Variants in TNR observed in about 807,000 individuals in gnomAD.
The protein encoded by TNR is tenascin-R.
A neutral mutation model predicts 150.4 loss-of-function variants in TNR; 45 were observed. The ratio of observed to expected loss-of-function variants is 0.30; its 90% CI spans 0.24 to 0.38. The LOEUF (loss-of-function observed/expected upper bound fraction) is 0.38. Ranked by LOEUF, TNR falls within the 10% of genes least tolerant of loss-of-function variation. The pLI is 1.00. For synonymous variants in TNR, 687 were observed against 678.4 expected, an observed-to-expected ratio of 1.01 and a Z score of -0.20; for missense variants, 1,544 against 1,759.1, an observed-to-expected ratio of 0.88 and a Z score of 2.19.
Position 175,315,794 on chromosome 1 carries a change from A to ATGCATG in TNR, c.*7557_*7562dup, listed in dbSNP as rs1333464700. ...TGCATGTGCACCTGTGTATGTGTGC[A>ATGCATG]TGCATGTGTGTGTGTGCATGTGTGT... is the stretch of plus-strand genomic sequence containing the variant. On this transcript the variant is annotated 3_prime_UTR_variant, in exon 23 of 23. Transcript: ENST00000367674. 9 of 142,712 alleles carry ATGCATG rather than the reference A, an allele frequency of 6.3e-5. No individual in the cohort carries two copies. The allele number at this position is 142,712 out of a possible 1,614,324, so 8.8% of individuals were successfully genotyped here. A position where few individuals can be genotyped will look rare whatever the true frequency, so the allele number is the denominator to read the frequency against.
At chr1:175,378,491 C>T (rs1036869604) in intron 9 of TNR, among the ~76,000 whole-genome samples, 1 of 152,248 alleles carries the variant, frequency 6.6e-6, no homozygotes, top group East Asian at 1.9e-4. Context: ...TGGAAACTGG[C>T]AAGATGAAGC....
chr1:175,719,173 A>C (rs1667233994), intron 1 of TNR, among the ~76,000 whole-genome samples: 1 of 152,158 alleles, frequency 6.6e-6, no homozygotes. Context: ...AAGGCCCAAA[A>C]AGTGAGGATA....
chr1:175,555,783 T>A lies in TNR; in HGVS notation c.-164-27414A>T, dbSNP rs1661134838. Among the ~76,000 whole-genome samples, 3 of 152,346 alleles carry A rather than the reference T, an allele frequency of 2.0e-5. No homozygotes were observed. The East Asian group carries it at 5.8e-4, about 29-fold the overall frequency. The stretch of plus-strand genomic sequence containing the variant: ...ACAAGAAGCGTAAAACCATGAAGAA[T>A]CTAAAGTAGCTGACCCAAGTTCAGC... On this transcript the variant is annotated intron_variant, in intron 1 of 22. Transcript: ENST00000367674.
rs533427894 is a variant in TNR, at chr1:175,365,292, G to A, written c.2318-13C>T. On this transcript the variant is annotated splice_polypyrimidine_tract_variant and intron_variant, in intron 11 of 22. Transcript: ENST00000367674. ...ATGGGACGGAAGCCTGCAAAGCAAAGGAGATGGATGGTCCTGAAACACGTG... is the reference window on the plus strand; with the variant it reads ...ATGGGACGGAAGCCTGCAAAGCAAAAGAGATGGATGGTCCTGAAACACGTG... The A allele has an allele frequency of 6.6e-5, 104 of 1,586,456 alleles. 1 individual carries two copies. The East Asian group carries it at 2.3e-3, about 35-fold the overall frequency.
intron 9 of TNR, among the ~76,000 whole-genome samples, chr1:175,374,224 C>T (rs1652261701): frequency 6.6e-6 from 1 of 152,200 alleles, no homozygotes; most frequent in Admixed American, 6.5e-5. Context: ...ATTTCTTCCC[C>T]TGCAGACAAG....
intron 1 of TNR, among the ~76,000 whole-genome samples, chr1:175,648,189 C>T (rs564199132): frequency 3.3e-5 from 5 of 152,220 alleles, no homozygotes; most frequent in East Asian, 1.9e-4. Context: ...CCGTCCCTAA[C>T]GAGACTGTGA....
At chr1:175,742,579 C>T (rs1571811152) in intron 1 of TNR, among the ~76,000 whole-genome samples, 1 of 152,274 alleles carries the variant, frequency 6.6e-6, no homozygotes, top group East Asian at 1.9e-4. Context: ...CCTCAACCCC[C>T]CAAAGCCGCC....
chr1:175,324,801 C>T (rs1173524232), intron 21 of TNR, among the ~76,000 whole-genome samples: 2 of 152,150 alleles, frequency 1.3e-5, no homozygotes, highest in Non-Finnish European at 2.9e-5. Flanking sequence ...CACCCCCAAC[C>T]CTCAGCTGTT....
chr1:175,655,908 C>T (rs1665157282), intron 1 of TNR, among the ~76,000 whole-genome samples: 1 of 152,076 alleles, frequency 6.6e-6, no homozygotes, highest in South Asian at 2.1e-4. Flanking sequence ...TAGGAGGATG[C>T]CTGTTCTAGG....
intron 1 of TNR, among the ~76,000 whole-genome samples, chr1:175,686,335 A>C (rs1231251133): frequency 6.6e-6 from 1 of 152,156 alleles, no homozygotes; most frequent in African/African-American, 2.4e-5. Context: ...TAGAAGACAA[A>C]CCACATTCAA....
chr1:175,638,391 G>T (rs1006487227), intron 1 of TNR, among the ~76,000 whole-genome samples: 1 of 152,114 alleles, frequency 6.6e-6, no homozygotes, highest in African/African-American at 2.4e-5. Flanking sequence ...GAAATGTCAG[G>T]CTCTCTCTCA....
intron 2 of TNR, among the ~76,000 whole-genome samples, chr1:175,527,775 T>C (rs183535714): frequency 2.6e-5 from 4 of 152,358 alleles, no homozygotes; most frequent in East Asian, 1.9e-4. Context: ...GGAAAGCTTT[T>C]AAATTAAAGG....
intron 5 of TNR, among the ~76,000 whole-genome samples, chr1:175,395,529 C>T (rs1411394661): frequency 6.6e-6 from 1 of 152,198 alleles, no homozygotes; most frequent in Non-Finnish European, 1.5e-5. Context: ...GTTCTCTTCT[C>T]TCTTCCCAGA....
At chr1:175,692,393 C>T (rs909071878) in intron 1 of TNR, among the ~76,000 whole-genome samples, 7 of 152,368 alleles carry the variant, frequency 4.6e-5, no homozygotes, top group South Asian at 2.1e-4. Flanking sequence ...TTGTCACATC[C>T]TTCCAAGATG....
chr1:175,572,423 T>C (rs1156832919), intron 1 of TNR, among the ~76,000 whole-genome samples: 2 of 152,178 alleles, frequency 1.3e-5, no homozygotes, highest in African/African-American at 4.8e-5. Context: ...GGTATTTTAG[T>C]AGAGAATGGG....
intron 8 of TNR, among the ~76,000 whole-genome samples, chr1:175,383,878 T>C (rs1652800735): frequency 6.6e-6 from 1 of 152,156 alleles, no homozygotes; most frequent in African/African-American, 2.4e-5. Flanking sequence ...GGGAGCATAT[T>C]TGAGGTGTAG....
At position 175,401,919 on chromosome 1, in the gene TNR, T is replaced by C. The variant is rs949388693; in HGVS notation, c.976+1221A>G. ...AAGACCAACCACTTAATCTGTACTGTTTAAAACATAAACAAATGTATGAGC... is the reference window on the plus strand; with the variant it reads ...AAGACCAACCACTTAATCTGTACTGCTTAAAACATAAACAAATGTATGAGC... On this transcript the variant is annotated intron_variant, in intron 4 of 22. Coordinates refer to ENST00000367674, the MANE Select transcript of TNR (RefSeq NM_003285.3). Among the ~76,000 whole-genome samples, 8 of 152,370 alleles carry C rather than the reference T, an allele frequency of 5.3e-5. No individual in the cohort carries two copies. In the East Asian group the frequency reaches 1.3e-3, roughly 26 times the overall value.
chr1:175,503,013 A>G (rs907180716), intron 2 of TNR, among the ~76,000 whole-genome samples: 1 of 152,186 alleles, frequency 6.6e-6, no homozygotes, highest in Non-Finnish European at 1.5e-5. Flanking sequence ...TGTGGTCAGC[A>G]TATGCTCATC....
At chr1:175,379,527 AC>A in intron 9 of TNR, 24 bp downstream of exon 9, 1 of 1,602,028 alleles carries the variant, frequency 6.2e-7, no homozygotes, top group Non-Finnish European at 8.5e-7. Context: ...AACCAGCATA[AC>A]CCCAAGAGAT....
Sources: allele counts gnomAD v4.1 joint callset (sites outside exome capture counted in the v4.1 genomes callset), GRCh38; gene constraint gnomAD v4.1.1; transcripts MANE v1.5; gene names NCBI Gene and HGNC (gene_info 2026-07-23, HGNC 2026-07-21).